The following SH3GL2 variants were observed in gnomAD, a reference collection of about 807,000 sequenced individuals.
The protein encoded by SH3GL2 is endophilin-A1.
Under a neutral mutation model 46.0 loss-of-function variants are expected in SH3GL2, and 24 were observed. The observed-to-expected ratio is 0.52, with a 90% CI of 0.38 to 0.73. SH3GL2 has a LOEUF of 0.73. Ranked by LOEUF, SH3GL2 falls within the 30% of genes least tolerant of loss-of-function variation. SH3GL2 has a pLI of 0.00. For missense variants in SH3GL2, 413 were observed against 424.2 expected (o/e 0.97, Z 0.23); for synonymous variants, 196 against 147.1 (o/e 1.33, Z -2.40).
intron 1 of SH3GL2, among the ~76,000 whole-genome samples, chr9:17,614,573 A>C (rs74976829): frequency 6.6e-6 from 1 of 152,180 alleles, no homozygotes; most frequent in African/African-American, 2.4e-5. Context: ...CCAACATTCT[A>C]TGAGAACTTC....
intron 3 of SH3GL2, among the ~76,000 whole-genome samples, chr9:17,777,039 G>A (rs1214655372): frequency 6.6e-6 from 1 of 152,162 alleles, no homozygotes; most frequent in Non-Finnish European, 1.5e-5. Flanking sequence ...CAGAGGCAGG[G>A]AGACCTTTGT....
intron 1 of SH3GL2, among the ~76,000 whole-genome samples, chr9:17,593,167 A>G (rs1040671171): frequency 6.6e-6 from 1 of 152,308 alleles, no homozygotes; most frequent in African/African-American, 2.4e-5. Flanking sequence ...TAAATGGCTA[A>G]ACATAAGTAA....
At position 17,732,490 on chromosome 9, in the gene SH3GL2, A is replaced by G. The variant is rs75582202; in HGVS notation, c.46-14576A>G. Among the ~76,000 whole-genome samples, 557 of 152,228 alleles carry G rather than the reference A, an allele frequency of 3.7e-3. 6 individuals carry two copies. The highest frequency in any genetic ancestry group is 0.011 in the African/African-American group (452 of 41,562). On this transcript the variant is annotated intron_variant, in intron 1 of 8. Transcript: ENST00000380607. Reference sequence around the variant, plus strand: ...CTACATTAGGCACTGGGAAAGAGGGATGAACAAGATCAAAATCACTGCCTT... The same window carrying G: ...CTACATTAGGCACTGGGAAAGAGGGGTGAACAAGATCAAAATCACTGCCTT...
chr9:17,612,044 C>G (rs923066455), intron 1 of SH3GL2, among the ~76,000 whole-genome samples: 2 of 152,124 alleles, frequency 1.3e-5, no homozygotes, highest in African/African-American at 2.4e-5. Context: ...GGGAAATTCT[C>G]AGAGAGAGGA....
At chr9:17,668,902 C>T (rs1292893930) in intron 1 of SH3GL2, among the ~76,000 whole-genome samples, 3 of 152,124 alleles carry the variant, frequency 2.0e-5, no homozygotes, top group Non-Finnish European at 2.9e-5. Context: ...AAGCAGTACC[C>T]CTGCCTTGGC....
At chr9:17,623,965 A>G (rs74438753) in intron 1 of SH3GL2, among the ~76,000 whole-genome samples, 48 of 152,258 alleles carry the variant, frequency 3.2e-4, no homozygotes, top group Non-Finnish European at 3.8e-4. Flanking sequence ...TTTGAATAAT[A>G]TTTTTCTGTC....
At chr9:17,745,505 A>C (rs1822657336) in intron 1 of SH3GL2, among the ~76,000 whole-genome samples, 2 of 152,222 alleles carry the variant, frequency 1.3e-5, no homozygotes, top group East Asian at 3.9e-4. Flanking sequence ...ATGCTCTTCC[A>C]CTGCGCCATA....
intron 1 of SH3GL2, among the ~76,000 whole-genome samples, chr9:17,711,908 T>G (rs931281832): frequency 1.3e-5 from 2 of 151,962 alleles, no homozygotes; most frequent in East Asian, 1.9e-4. Flanking sequence ...ACAAAGTGGT[T>G]GTTCTATTTT....
chr9:17,673,622 A>G (rs527718057), intron 1 of SH3GL2, among the ~76,000 whole-genome samples: 1 of 152,140 alleles, frequency 6.6e-6, no homozygotes, highest in African/African-American at 2.4e-5. Context: ...GACTTGACCT[A>G]CTAGCCAGCC....
intron 1 of SH3GL2, among the ~76,000 whole-genome samples, chr9:17,680,561 T>G (rs926573090): frequency 4.6e-5 from 7 of 152,148 alleles, no homozygotes; most frequent in African/African-American, 7.2e-5. Context: ...TCAATTTTGT[T>G]GATCTTTTCA....
intron 1 of SH3GL2, among the ~76,000 whole-genome samples, chr9:17,706,860 G>T (rs1821485626): frequency 6.6e-6 from 1 of 151,974 alleles, no homozygotes; most frequent in South Asian, 2.1e-4. Context: ...GTCAGGAGAG[G>T]CTAGAAAAAG....
intron 1 of SH3GL2, among the ~76,000 whole-genome samples, chr9:17,638,166 A>AAC (rs1435117043): frequency 6.6e-6 from 1 of 151,112 alleles, no homozygotes; most frequent in Non-Finnish European, 1.5e-5. Context: ...CAAAAAAAAA[A>AAC]CAAAAAAACA....
intron 1 of SH3GL2, among the ~76,000 whole-genome samples, chr9:17,716,068 G>A (rs57099063): frequency 5.9e-5 from 9 of 151,912 alleles, no homozygotes; most frequent in Non-Finnish European, 7.4e-5. Flanking sequence ...ATGTTTGTAC[G>A]TGTGTATGTA....
At chr9:17,743,982 G>T (rs1439319947) in intron 1 of SH3GL2, among the ~76,000 whole-genome samples, 2 of 152,082 alleles carry the variant, frequency 1.3e-5, no homozygotes, top group African/African-American at 4.8e-5. Context: ...CACATGAAGG[G>T]GTCTATCTAT....
In SH3GL2 at chr9:17,753,872, G is replaced by T. The variant is rs142070588; in HGVS notation, c.114+6738G>T. On this transcript the variant is annotated intron_variant, in intron 2 of 8. Coordinates refer to ENST00000380607, the MANE Select transcript of SH3GL2 (RefSeq NM_003026.5). ...TTTTTGTATATGGTGTAAGGAAGGGGTCCAGTTTCAATCTTCTGCATATGG... is the reference window on the plus strand; with the variant it reads ...TTTTTGTATATGGTGTAAGGAAGGGTTCCAGTTTCAATCTTCTGCATATGG... Among the ~76,000 whole-genome samples the T allele has an allele frequency of 9.4e-3, 1,433 of 152,178 alleles. 18 individuals are homozygous for T. Among genetic ancestry groups the T allele is most frequent in the African/African-American group, 0.032 (1,326 of 41,508 alleles).
intron 1 of SH3GL2, among the ~76,000 whole-genome samples, chr9:17,738,641 T>TATATATATATATATAGAGAG (rs376280314): frequency 4.5e-5 from 4 of 88,882 alleles, no homozygotes; most frequent in African/African-American, 1.1e-4. Flanking sequence ...TATATATATA[T>TATATATATATATATAGAGAG]AGAGAGAGAG....
chr9:17,783,742 T>G (rs1823877381), intron 3 of SH3GL2, among the ~76,000 whole-genome samples: 2 of 152,148 alleles, frequency 1.3e-5, no homozygotes, highest in South Asian at 4.1e-4. Context: ...CCTGCTGTTT[T>G]AATTCACCCA....
intron 1 of SH3GL2, among the ~76,000 whole-genome samples, chr9:17,717,706 G>C (rs1258349313): frequency 1.3e-5 from 2 of 152,086 alleles, no homozygotes; most frequent in African/African-American, 2.4e-5. Flanking sequence ...AGTATGCCAG[G>C]CATGCTGGGC....
intron 1 of SH3GL2, among the ~76,000 whole-genome samples, chr9:17,613,621 G>T (rs1286947159): frequency 6.6e-6 from 1 of 152,100 alleles, no homozygotes; most frequent in Non-Finnish European, 1.5e-5. Context: ...CTCTAGTTAC[G>T]TGAAGACCTT....
Sources: gnomAD v4.1 joint callset for allele counts (sites outside exome capture counted in the v4.1 genomes callset) on GRCh38, gnomAD v4.1.1 for gene constraint, MANE v1.5 for transcripts, NCBI Gene and HGNC (gene_info 2026-07-23, HGNC 2026-07-21) for gene names.